The following A1CF variants were observed in gnomAD, a reference collection of about 807,000 sequenced individuals.
A1CF encodes the protein APOBEC-1 stimulating protein.
A neutral mutation model predicts 68.9 loss-of-function variants in A1CF; 48 were observed. The observed-to-expected ratio is 0.70, with a 90% CI of 0.55 to 0.89. The LOEUF (loss-of-function observed/expected upper bound fraction) is 0.89. A1CF is among the 40% of genes least tolerant of loss of function. A1CF has a pLI of 0.00. For missense variants in A1CF, 653 were observed against 718.9 expected (o/e 0.91, Z 1.05); for synonymous variants, 272 against 260.4 (o/e 1.04, Z -0.43).
In A1CF at chr10:50,805,571, T is replaced by C. The variant is rs1837780091; in HGVS notation, c.*1158A>G. Reference sequence around the variant, plus strand: ...TCAGCAATGATTGCTGTAAGATTTTTCTGTGGCAGCTTCAAGACAAAAGGA... The same window carrying C: ...TCAGCAATGATTGCTGTAAGATTTTCCTGTGGCAGCTTCAAGACAAAAGGA... On this transcript the variant is annotated 3_prime_UTR_variant, in exon 13 of 13. Coordinates refer to ENST00000373997, the MANE Select transcript of A1CF (RefSeq NM_014576.4). 6.6e-6 allele frequency: 1 copy of C among 152,218 alleles called. No homozygotes were observed. The highest frequency in any genetic ancestry group is 2.4e-5 in the African/African-American group (1 of 41,456). The allele number at this position is 152,218 out of a possible 1,614,324, so 9.4% of individuals were successfully genotyped here.
intron 7 of A1CF, chr10:50,822,688 C>G (rs1838734200): frequency 6.6e-6 from 1 of 152,154 alleles, no homozygotes; most frequent in Admixed American, 6.5e-5. Context: ...TCTCTGAGAC[C>G]ATGAAGCATG....
chr10:50,843,673 A>T (rs1839875733), intron 4 of A1CF, among the ~76,000 whole-genome samples: 1 of 152,198 alleles, frequency 6.6e-6, no homozygotes, highest in Admixed American at 6.5e-5. Flanking sequence ...CTAATTTTAG[A>T]CAGGTTATTG....
intron 1 of A1CF, among the ~76,000 whole-genome samples, chr10:50,866,322 G>A (rs1840988123): frequency 6.6e-6 from 1 of 152,182 alleles, no homozygotes; most frequent in Non-Finnish European, 1.5e-5. Context: ...TGCAACATCA[G>A]TGCCTATTTG....
chr10:50,853,469 T>C (rs1840339882), intron 3 of A1CF, among the ~76,000 whole-genome samples: 1 of 152,154 alleles, frequency 6.6e-6, no homozygotes, highest in Admixed American at 6.6e-5. Context: ...TGATCTGTAA[T>C]TACTTTGCTT....
chr10:50,863,911 T>C (rs758151380), intron 2 of A1CF, 122 bp downstream of exon 2: 5 of 152,210 alleles, frequency 3.3e-5, no homozygotes, highest in Non-Finnish European at 4.4e-5. Flanking sequence ...TGATGTGATA[T>C]TCCAATTACT....
At chr10:50,819,304 G>A (rs927648177) in intron 8 of A1CF, among the ~76,000 whole-genome samples, 1 of 152,006 alleles carries the variant, frequency 6.6e-6, no homozygotes, top group Non-Finnish European at 1.5e-5. Flanking sequence ...CTAATTTTTT[G>A]TAGAGATGAG....
chr10:50,875,812 G>A (rs1841486457), intron 1 of A1CF, among the ~76,000 whole-genome samples: 1 of 152,154 alleles, frequency 6.6e-6, no homozygotes, highest in Non-Finnish European at 1.5e-5. Flanking sequence ...CACACCACTG[G>A]AAGATCAATC....
At position 50,852,761 on chromosome 10, in the gene A1CF, A is replaced by G. The variant is rs569095033; in HGVS notation, c.99+7081T>C. 3.9e-5 allele frequency among the ~76,000 whole-genome samples: 6 copies of G among 152,298 alleles called. No homozygotes were observed. In the East Asian group the frequency reaches 1.2e-3, roughly 29 times the overall value. ...AATGTCAATGCCACAGTGTTTTTCC[A>G]TCTGCTCCTCTCGGAGCCAGTCTAG... On this transcript the variant is annotated intron_variant, in intron 3 of 12. Coordinates refer to ENST00000373997, the MANE Select transcript of A1CF (RefSeq NM_014576.4).
intron 3 of A1CF, among the ~76,000 whole-genome samples, chr10:50,853,814 C>T (rs1327790365): frequency 5.1e-5 from 7 of 137,154 alleles, no homozygotes; most frequent in African/African-American, 1.9e-4. Context: ...AAAAAAAATG[C>T]TTAAAATGTA....
intron 8 of A1CF, among the ~76,000 whole-genome samples, chr10:50,818,354 C>G (rs1838471395): frequency 6.6e-6 from 1 of 151,952 alleles, no homozygotes. Context: ...CAAAAACCTT[C>G]ATAGTTCCTA....
intron 5 of A1CF, 83 bp downstream of exon 5, chr10:50,841,779 C>T: frequency 6.6e-7 from 1 of 1,524,990 alleles, no homozygotes. Context: ...TTTTGGCATA[C>T]ACCATATTAG....
chr10:50,871,511 C>A (rs771997367), intron 1 of A1CF, among the ~76,000 whole-genome samples: 1 of 151,762 alleles, frequency 6.6e-6, no homozygotes, highest in Admixed American at 6.6e-5. Context: ...CATAGTTCAC[C>A]GGGCAGGAAC....
chr10:50,816,466 A>T (rs1240538849), intron 8 of A1CF, 187 bp from the exon 9 acceptor site: 2 of 629,972 alleles, frequency 3.2e-6, no homozygotes, highest in African/African-American at 3.7e-5. Context: ...TTTGTTGGTA[A>T]GTTGCATAAG....
Position 50,806,658 on chromosome 10 carries a change from T to G in A1CF, c.*71A>C. 1 of 1,413,908 alleles carries G rather than the reference T, an allele frequency of 7.1e-7. No homozygotes were observed. The highest frequency in any genetic ancestry group is 1.5e-5 in the South Asian group (1 of 65,140). The allele number at this position is 1,413,908 out of a possible 1,614,324, so 87.6% of individuals were successfully genotyped here. ...TTATTTATGATCATTGGGGACCGAG[T>G]TAGAGGTTTATTTCTTTTTTTTTTT... On this transcript the variant is annotated 3_prime_UTR_variant, in exon 13 of 13. Transcript: ENST00000373997.
At position 50,867,321 on chromosome 10, in the gene A1CF, G is replaced by A. The variant is rs541633574; in HGVS notation, c.-93-3241C>T. ...GAAAATTTTATATAATATTATATAT[G>A]TATAGTAGAATTTTATTCAGCCATG... On this transcript the variant is annotated intron_variant, in intron 1 of 12. Transcript: ENST00000373997. 1.3e-3 allele frequency among the ~76,000 whole-genome samples: 190 copies of A among 151,974 alleles called. 1 individual carries two copies. The highest frequency in any genetic ancestry group is 4.5e-3 in the African/African-American group (185 of 41,506).
chr10:50,819,145 T>G (rs1162128767), intron 8 of A1CF, among the ~76,000 whole-genome samples: 1 of 152,120 alleles, frequency 6.6e-6, no homozygotes, highest in Non-Finnish European at 1.5e-5. Context: ...CTTTCCTTAA[T>G]GGTGGGGTCT....
chr10:50,861,669 C>T (rs1251345558), intron 2 of A1CF, among the ~76,000 whole-genome samples: 1 of 147,434 alleles, frequency 6.8e-6, no homozygotes. Flanking sequence ...GCTAGTATTA[C>T]TAATAGTAGT....
intron 2 of A1CF, 131 bp from the exon 3 acceptor site, chr10:50,860,116 A>G (rs1239829917): frequency 6.8e-6 from 4 of 590,822 alleles, no homozygotes; most frequent in Non-Finnish European, 1.2e-5. Flanking sequence ...TAAGAGTTAC[A>G]TACAAACAAG....
chr10:50,875,418 C>T (rs920440804), intron 1 of A1CF, among the ~76,000 whole-genome samples: 12 of 152,000 alleles, frequency 7.9e-5, no homozygotes, highest in South Asian at 4.2e-4. Flanking sequence ...GTTCTATGTA[C>T]GGAAAGGAAG....
Sources: allele counts gnomAD v4.1 joint callset (sites outside exome capture counted in the v4.1 genomes callset), GRCh38; gene constraint gnomAD v4.1.1; transcripts MANE v1.5; gene names NCBI Gene and HGNC (gene_info 2026-07-23, HGNC 2026-07-21).